PRDM6: variants seen among roughly 807,000 people sequenced by gnomAD.
The protein encoded by PRDM6 is putative histone-lysine N-methyltransferase PRDM6.
Under a neutral mutation model 60.8 loss-of-function variants are expected in PRDM6, and 25 were observed. The observed-to-expected ratio is 0.41, with a 90% CI of 0.30 to 0.57. The LOEUF (loss-of-function observed/expected upper bound fraction) is 0.57. Among genes scored for constraint, PRDM6 ranks in the 20% least tolerant of loss-of-function variants. The pLI is 0.27. For missense variants in PRDM6, 839 were observed against 821.3 expected, an observed-to-expected ratio of 1.02 and a Z score of -0.26; for synonymous variants, 407 against 357.4, an observed-to-expected ratio of 1.14 and a Z score of -1.57.
At chr5:123,100,047 G>A in intron 3 of PRDM6, 86 bp downstream of exon 3, 3 of 1,366,470 alleles carry the variant, frequency 2.2e-6, no homozygotes, top group East Asian at 2.6e-5. Context: ...CCTGGCCTTT[G>A]GCTGTGGCAA....
At chr5:123,141,989 T>A (rs1765113643) in intron 3 of PRDM6, among the ~76,000 whole-genome samples, 2 of 152,310 alleles carry the variant, frequency 1.3e-5, no homozygotes, top group South Asian at 2.1e-4. Context: ...TTTGCATAAC[T>A]GAATTCACTT....
intron 5 of PRDM6, 114 bp from the exon 6 acceptor site, chr5:123,170,652 C>T (rs930573295): frequency 1.2e-6 from 1 of 804,250 alleles, no homozygotes; most frequent in African/African-American, 1.7e-5. Context: ...ATTCTGAGTC[C>T]AGAAACACAA....
intron 2 of PRDM6, among the ~76,000 whole-genome samples, chr5:123,093,282 CCTTA>C (rs1299056323): frequency 6.6e-6 from 1 of 152,132 alleles, no homozygotes; most frequent in Non-Finnish European, 1.5e-5. Context: ...GGGGGTGCCT[CCTTA>C]CTTCTCCCTT....
At chr5:123,134,569 A>G (rs1390464865) in intron 3 of PRDM6, among the ~76,000 whole-genome samples, 4 of 152,164 alleles carry the variant, frequency 2.6e-5, no homozygotes, top group Non-Finnish European at 5.9e-5. Context: ...TAGCACACAC[A>G]GAAAGCTAAT....
At chr5:123,113,330 A>G (rs1764359945) in intron 3 of PRDM6, among the ~76,000 whole-genome samples, 1 of 152,232 alleles carries the variant, frequency 6.6e-6, no homozygotes, top group African/African-American at 2.4e-5. Context: ...CCTAGCATAC[A>G]TAGAGCATTT....
Position 123,090,337 on chromosome 5 carries a change from T to C in PRDM6, c.323T>C (p.Leu108Pro). Reference sequence around the variant, plus strand: ...GCCGCTGCCGCCGCGCTGGCTGGTCTCTCGGCCCTGCCGGTGTCGCAGCTG... The same window carrying C: ...GCCGCTGCCGCCGCGCTGGCTGGTCCCTCGGCCCTGCCGGTGTCGCAGCTG... ...AAAAAAALAG[L>P]SALPVSQLPV... Residue 108 changes from leucine to proline, a missense_variant, in exon 2 of 8, where the codon CTC (leucine) becomes CCC (proline). Transcript: ENST00000407847. 4.1e-6 allele frequency: 6 copies of C among 1,477,492 alleles called. No individual in the cohort carries two copies. Among genetic ancestry groups the C allele is most frequent in the African/African-American group, 1.5e-5 (1 of 68,254 alleles). The allele number at this position is 1,477,492 out of a possible 1,614,324, so 91.5% of individuals were successfully genotyped here.
At chr5:123,143,110 T>C (rs187066055) in intron 3 of PRDM6, among the ~76,000 whole-genome samples, 17 of 151,646 alleles carry the variant, frequency 1.1e-4, no homozygotes. Flanking sequence ...AGTACTATCC[T>C]TTTATCTGAA....
At chr5:123,137,258 C>G (rs897605100) in intron 3 of PRDM6, among the ~76,000 whole-genome samples, 2 of 152,224 alleles carry the variant, frequency 1.3e-5, no homozygotes, top group African/African-American at 4.8e-5. Flanking sequence ...GAATCTGATT[C>G]TGCTGTGAGT....
chr5:123,153,815 G>A (rs954427702), intron 3 of PRDM6, among the ~76,000 whole-genome samples: 2 of 152,196 alleles, frequency 1.3e-5, no homozygotes, highest in African/African-American at 4.8e-5. Context: ...GCCCCCACTA[G>A]TTAGACATGT....
chr5:123,178,261 T>TA (rs1766061933), intron 6 of PRDM6, among the ~76,000 whole-genome samples: 1 of 152,220 alleles, frequency 6.6e-6, no homozygotes, highest in South Asian at 2.1e-4. Context: ...TGATAGCCAT[T>TA]AAAAATAGAT....
chr5:123,099,282 A>AAG lies in PRDM6; in HGVS notation c.593-358_593-357dup, dbSNP rs145818846. Among the ~76,000 whole-genome samples, 192 of 151,222 alleles carry AAG rather than the reference A, an allele frequency of 1.3e-3. 1 individual carries two copies. The highest frequency in any genetic ancestry group is 1.9e-3 in the African/African-American group (77 of 41,348). On this transcript the variant is annotated intron_variant, in intron 2 of 7. Transcript: ENST00000407847. The surrounding 1 kb of genome is among the most constrained non-coding windows in gnomAD (Gnocchi z 4.0). ...TCAGAAGGAACGAGAGACAGTAGGG[A>AAG]AGAGAGAGAGAGAGACAGAGACAGA...
intron 3 of PRDM6, among the ~76,000 whole-genome samples, chr5:123,119,446 G>A (rs1463925464): frequency 6.6e-6 from 1 of 152,158 alleles, no homozygotes; most frequent in Non-Finnish European, 1.5e-5. Context: ...TGCAGGAAGG[G>A]CTTACAGTCC....
chr5:123,103,686 T>C (rs1764150259), intron 3 of PRDM6, among the ~76,000 whole-genome samples: 1 of 152,070 alleles, frequency 6.6e-6, no homozygotes, highest in African/African-American at 2.4e-5. Context: ...CTCTTTCTGC[T>C]TAACATCAGA....
intron 3 of PRDM6, among the ~76,000 whole-genome samples, chr5:123,143,524 GA>G (rs1310468716): frequency 6.6e-6 from 1 of 152,146 alleles, no homozygotes; most frequent in African/African-American, 2.4e-5. Flanking sequence ...TTGTGTCCCA[GA>G]CATTCAAGTT....
chr5:123,097,206 A>G (rs1186658376), intron 2 of PRDM6, among the ~76,000 whole-genome samples: 1 of 152,236 alleles, frequency 6.6e-6, no homozygotes, highest in Non-Finnish European at 1.5e-5. Context: ...GTATTTTCCT[A>G]TCCAATCTCT....
intron 3 of PRDM6, among the ~76,000 whole-genome samples, chr5:123,127,740 C>CTTT (rs751784177): frequency 8.3e-5 from 12 of 144,636 alleles, no homozygotes; most frequent in Non-Finnish European, 1.2e-4. Flanking sequence ...TTCCTTCTTT[C>CTTT]CTTTCTTTCC....
intron 3 of PRDM6, among the ~76,000 whole-genome samples, chr5:123,120,529 C>T (rs1245543774): frequency 3.0e-5 from 1 of 33,812 alleles, no homozygotes. Flanking sequence ...AAATGATGTT[C>T]ATTACCAAAA....
intron 5 of PRDM6, among the ~76,000 whole-genome samples, chr5:123,169,043 G>A (rs537603724): frequency 6.6e-5 from 10 of 152,300 alleles, no homozygotes; most frequent in Admixed American, 2.0e-4. Context: ...TTCCTGCCAC[G>A]CGGCCTTGAA....
At position 123,190,021 on chromosome 5, in the gene PRDM6, T is replaced by A. The variant is rs764194030; in HGVS notation, c.*2820T>A. 6.6e-6 allele frequency: 1 copy of A among 152,188 alleles called. No homozygotes were observed. The allele number at this position is 152,188 out of a possible 1,614,324, so 9.4% of individuals were successfully genotyped here. A position where few individuals can be genotyped will look rare whatever the true frequency, so the allele number is the denominator to read the frequency against. On this transcript the variant is annotated 3_prime_UTR_variant, in exon 8 of 8. Coordinates refer to ENST00000407847, the MANE Select transcript of PRDM6 (RefSeq NM_001136239.4). ...AAATTGCAGTCGTAAAATTTGCCAG[T>A]TTTTCTTATTAGTAACTTCCTAATT...
Sources: allele counts gnomAD v4.1 joint callset (sites outside exome capture counted in the v4.1 genomes callset), GRCh38; gene constraint gnomAD v4.1.1; non-coding constraint Gnocchi (gnomAD v3.1); transcripts MANE v1.5; gene names NCBI Gene and HGNC (gene_info 2026-07-23, HGNC 2026-07-21).